Variants in MAPK8 observed in about 807,000 individuals in gnomAD.
The protein encoded by MAPK8 is mitogen-activated protein kinase 8, also known as JUN N-terminal kinase.
A neutral mutation model predicts 52.9 loss-of-function variants in MAPK8; 13 were observed. That is an observed-to-expected ratio of 0.25 (90% CI 0.16 to 0.39). MAPK8 has a LOEUF of 0.39. MAPK8 is among the 10% of genes least tolerant of loss of function. The pLI, the probability that MAPK8 is intolerant of heterozygous loss-of-function variation, is 1.00. For missense variants in MAPK8, 300 were observed against 519.2 expected (o/e 0.58, Z 4.10); for synonymous variants, 191 against 169.8 (o/e 1.12, Z -0.97).
intron 1 of MAPK8, among the ~76,000 whole-genome samples, chr10:48,377,290 A>G (rs906229364): frequency 3.9e-5 from 6 of 152,078 alleles, no homozygotes; most frequent in African/African-American, 1.4e-4. Context: ...GCAAACCACC[A>G]TGGCACATGT....
chr10:48,417,833 C>T (rs1012332240), intron 5 of MAPK8, among the ~76,000 whole-genome samples: 2 of 152,192 alleles, frequency 1.3e-5, no homozygotes, highest in Non-Finnish European at 2.9e-5. Flanking sequence ...ATTCTAGGCT[C>T]TGTTCCCTTT....
intron 10 of MAPK8, 131 bp downstream of exon 10, chr10:48,427,274 T>C (rs112355255): frequency 2.1e-5 from 12 of 580,458 alleles, no homozygotes; most frequent in African/African-American, 1.3e-4. Context: ...TTAATATTTT[T>C]ACATAAGTAG....
intron 1 of MAPK8, among the ~76,000 whole-genome samples, chr10:48,371,688 G>A (rs535728787): frequency 1.8e-4 from 27 of 152,072 alleles, no homozygotes; most frequent in South Asian, 8.3e-4. Flanking sequence ...ATTGTCTTCC[G>A]GAAAACAGCA....
intron 1 of MAPK8, among the ~76,000 whole-genome samples, chr10:48,349,161 C>A (rs1846067638): frequency 6.6e-6 from 1 of 151,928 alleles, no homozygotes; most frequent in South Asian, 2.1e-4. Context: ...AGACTTAGAC[C>A]CCCGTACAAT....
chr10:48,310,921 A>G (rs1057303613), intron 1 of MAPK8, among the ~76,000 whole-genome samples: 2 of 152,114 alleles, frequency 1.3e-5, no homozygotes, highest in African/African-American at 4.8e-5. Flanking sequence ...AAAATCTGCC[A>G]TTCTTTAGAA....
intron 1 of MAPK8, among the ~76,000 whole-genome samples, chr10:48,372,837 A>G (rs1302757518): frequency 6.6e-6 from 1 of 152,134 alleles, no homozygotes; most frequent in Non-Finnish European, 1.5e-5. Context: ...AAGTTCCCCA[A>G]CCTAGCAAGG....
At chr10:48,310,773 G>T (rs1184555214) in intron 1 of MAPK8, among the ~76,000 whole-genome samples, 1 of 151,120 alleles carries the variant, frequency 6.6e-6, no homozygotes, top group East Asian at 1.9e-4. Context: ...ATACGTATGT[G>T]CATGGAGAGA....
chr10:48,415,123 G>A lies in MAPK8; in HGVS notation c.450+4955G>A, dbSNP rs562173656. Among the ~76,000 whole-genome samples the A allele has an allele frequency of 1.1e-4, 16 of 151,920 alleles. No individual in the cohort carries two copies. In the South Asian group the frequency reaches 3.3e-3, roughly 32 times the overall value. ...ACATATACAGCTGCTCTAATCATTT[G>A]TCTAATGCAATCTTTAAATAACATA... On this transcript the variant is annotated intron_variant, in intron 5 of 11. Transcript: ENST00000374189.
chr10:48,382,855 A>G (rs1424268246), intron 1 of MAPK8, among the ~76,000 whole-genome samples: 1 of 147,026 alleles, frequency 6.8e-6, no homozygotes, highest in Non-Finnish European at 1.5e-5. Context: ...CTGTGTGTAT[A>G]TATACATATA....
At chr10:48,327,209 T>C (rs1843620058) in intron 1 of MAPK8, among the ~76,000 whole-genome samples, 2 of 152,178 alleles carry the variant, frequency 1.3e-5, no homozygotes, top group South Asian at 4.1e-4. Flanking sequence ...GAGGGTTTTT[T>C]GAGGGGAGTA....
At chr10:48,361,020 C>T (rs1847470834) in intron 1 of MAPK8, among the ~76,000 whole-genome samples, 1 of 151,808 alleles carries the variant, frequency 6.6e-6, no homozygotes. Context: ...TGCCAGTTAT[C>T]TGTAATCATG....
At chr10:48,313,605 TCAC>T (rs1564466923) in intron 1 of MAPK8, among the ~76,000 whole-genome samples, 2 of 152,274 alleles carry the variant, frequency 1.3e-5, no homozygotes, top group African/African-American at 2.4e-5. Context: ...AACGTATTTT[TCAC>T]AGCTTTATGG....
Position 48,435,052 on chromosome 10 carries a change from G to GGGT in MAPK8, c.*24_*25insGTG. 7.1e-7 allele frequency: 1 copy of GGGT among 1,412,462 alleles called. No individual in the cohort carries two copies. Among genetic ancestry groups the GGGT allele is most frequent in the Non-Finnish European group, 9.7e-7 (1 of 1,035,702 alleles). 87.5% of individuals were successfully genotyped at this position (1,412,462 alleles called of 1,614,324 possible). A position where few individuals can be genotyped will look rare whatever the true frequency, so the allele number is the denominator to read the frequency against. ...TGACTACTTGGGCCATCGGGGGGTG[G>GGGT]GAGGGATGGGGAGTCGGTTAGTCAT... is the stretch of plus-strand genomic sequence containing the variant. On this transcript the variant is annotated 3_prime_UTR_variant, in exon 12 of 12. Transcript: ENST00000374189.
intron 1 of MAPK8, among the ~76,000 whole-genome samples, chr10:48,384,175 C>T (rs568596014): frequency 1.1e-4 from 17 of 152,208 alleles, no homozygotes; most frequent in South Asian, 1.0e-3. Flanking sequence ...TCGCTTGAGC[C>T]GGAGAGTCAG....
intron 1 of MAPK8, among the ~76,000 whole-genome samples, chr10:48,374,556 A>G (rs11101306): frequency 0.5 from 76,221 of 152,026 alleles, 19,711 homozygotes; most frequent in Middle Eastern, 0.72. Flanking sequence ...TAAAGGGGAT[A>G]TCACCACTGA....
chr10:48,346,952 C>A (rs1315801343), intron 1 of MAPK8, among the ~76,000 whole-genome samples: 1 of 152,180 alleles, frequency 6.6e-6, no homozygotes, highest in Admixed American at 6.5e-5. Flanking sequence ...CTTTACCCTG[C>A]CCCTTCTGCC....
At position 48,415,805 on chromosome 10, in the gene MAPK8, T is replaced by C. The variant is rs943265412; in HGVS notation, c.451-4350T>C. On this transcript the variant is annotated intron_variant, in intron 5 of 11. Coordinates refer to ENST00000374189, the MANE Select transcript of MAPK8 (RefSeq NM_001323329.2). Reference sequence around the variant, plus strand: ...GTTGCTATACAAAAAGCTTAAACTGTAGAAAATAGAAGAATGGCACAAGCA... The same window carrying C: ...GTTGCTATACAAAAAGCTTAAACTGCAGAAAATAGAAGAATGGCACAAGCA... 7.2e-5 allele frequency among the ~76,000 whole-genome samples: 11 copies of C among 152,256 alleles called. 1 individual carries two copies. In the South Asian group the frequency reaches 2.1e-3, roughly 29 times the overall value.
chr10:48,401,224 A>AT (rs1241434921), intron 1 of MAPK8, among the ~76,000 whole-genome samples: 1 of 152,214 alleles, frequency 6.6e-6, no homozygotes. Context: ...TTTCTTACAA[A>AT]AATTAAGGTT....
chr10:48,412,489 C>T (rs932323076), intron 5 of MAPK8, among the ~76,000 whole-genome samples: 4 of 152,084 alleles, frequency 2.6e-5, no homozygotes, highest in Admixed American at 2.6e-4. Flanking sequence ...ATTTTTTCTG[C>T]TCATTTTTCT....
Sources: allele counts gnomAD v4.1 joint callset (sites outside exome capture counted in the v4.1 genomes callset), GRCh38; gene constraint gnomAD v4.1.1; transcripts MANE v1.5; gene names NCBI Gene and HGNC (gene_info 2026-07-23, HGNC 2026-07-21).